WWOX: variants seen among roughly 807,000 people sequenced by gnomAD.
WWOX encodes WW domain containing oxidoreductase.
A neutral mutation model predicts 46.2 loss-of-function variants in WWOX; 69 were observed. The ratio of observed to expected loss-of-function variants is 1.49; its 90% CI spans 1.23 to 1.82. The LOEUF (loss-of-function observed/expected upper bound fraction) is 1.82, where lower values mean the gene tolerates loss of function less well. Among genes scored for constraint, WWOX ranks in the 40% most tolerant of loss-of-function variants. WWOX has a pLI of 0.00. For synonymous variants in WWOX, 359 were observed against 202.6 expected (o/e 1.77, Z -6.56); for missense variants, 919 against 542.6 (o/e 1.69, Z -6.89).
chr16:78,779,651 G>A (rs1418114802), intron 8 of WWOX, among the ~76,000 whole-genome samples: 1 of 152,122 alleles, frequency 6.6e-6, no homozygotes, highest in Non-Finnish European at 1.5e-5. Flanking sequence ...GTAGCAGAGG[G>A]CCCCAGTTCA....
intron 8 of WWOX, among the ~76,000 whole-genome samples, chr16:78,493,241 C>T (rs1350236649): frequency 1.3e-5 from 2 of 152,156 alleles, no homozygotes; most frequent in African/African-American, 4.8e-5. Context: ...CACTCTTTAA[C>T]CATAAGCAGA....
At chr16:78,723,592 CTTT>C (rs962800771) in intron 8 of WWOX, among the ~76,000 whole-genome samples, 1 of 72,382 alleles carries the variant, frequency 1.4e-5, no homozygotes, top group African/African-American at 5.9e-5. Flanking sequence ...CTTTTCTTTT[CTTT>C]TCTTTTCTTT....
chr16:78,764,649 C>T (rs2049885663), intron 8 of WWOX, among the ~76,000 whole-genome samples: 1 of 148,136 alleles, frequency 6.8e-6, no homozygotes, highest in South Asian at 2.4e-4. Flanking sequence ...TCCAACATTA[C>T]CTTTGATAAC....
At chr16:78,436,820 C>T (rs372606480) in intron 8 of WWOX, among the ~76,000 whole-genome samples, 92 of 152,280 alleles carry the variant, frequency 6.0e-4, no homozygotes, top group African/African-American at 1.9e-3. Context: ...GGCTATCCTG[C>T]GTATGTGGCT....
intron 8 of WWOX, among the ~76,000 whole-genome samples, chr16:78,973,295 C>A (rs182590496): frequency 2.6e-5 from 4 of 152,018 alleles, no homozygotes; most frequent in African/African-American, 9.7e-5. Flanking sequence ...GTCATCCTGG[C>A]GTTTGGGTAC....
At chr16:78,986,996 G>T (rs1369128784) in intron 8 of WWOX, among the ~76,000 whole-genome samples, 1 of 151,984 alleles carries the variant, frequency 6.6e-6, no homozygotes, top group Non-Finnish European at 1.5e-5. Context: ...TACCCACACG[G>T]AGCAGAGAGG....
chr16:78,804,836 G>C (rs942898801), intron 8 of WWOX, among the ~76,000 whole-genome samples: 5 of 152,190 alleles, frequency 3.3e-5, no homozygotes, highest in African/African-American at 7.2e-5. Flanking sequence ...TATACCTTAG[G>C]CATTCTGTGA....
chr16:78,391,077 C>A (rs2082165867), intron 6 of WWOX, among the ~76,000 whole-genome samples: 1 of 152,132 alleles, frequency 6.6e-6, no homozygotes, highest in African/African-American at 2.4e-5. Flanking sequence ...ATTCTTAGTA[C>A]AAACACTGGT....
chr16:78,861,187 CT>C (rs369760199), intron 8 of WWOX, among the ~76,000 whole-genome samples: 66 of 152,090 alleles, frequency 4.3e-4, no homozygotes, highest in Middle Eastern at 3.4e-3. Flanking sequence ...TGCTTCTTTC[CT>C]TTTTTCCTTC....
chr16:78,913,034 G>C (rs1235142662), intron 8 of WWOX, among the ~76,000 whole-genome samples: 4 of 152,004 alleles, frequency 2.6e-5, no homozygotes, highest in African/African-American at 7.2e-5. Context: ...AGCACAACAG[G>C]TCTGAGTGTT....
chr16:79,079,958 A>AAGATTCAGATTAAG (rs2048729817), intron 8 of WWOX, among the ~76,000 whole-genome samples: 2 of 103,626 alleles, frequency 1.9e-5, no homozygotes, highest in Non-Finnish European at 4.0e-5. Context: ...GCTGATTAAG[A>AAGATTCAGATTAAG]TTTCAGATTT....
chr16:78,711,399 G>C (rs913122720), intron 8 of WWOX, among the ~76,000 whole-genome samples: 6 of 152,302 alleles, frequency 3.9e-5, no homozygotes, highest in African/African-American at 1.2e-4. Context: ...ATATGCTTTG[G>C]AGGGAACTTG....
chr16:78,679,793 A>G (rs547580024), intron 8 of WWOX, among the ~76,000 whole-genome samples: 1 of 152,326 alleles, frequency 6.6e-6, no homozygotes, highest in Admixed American at 6.5e-5. Flanking sequence ...AGAGAACAGC[A>G]GCACTCTTGC....
chr16:78,394,085 T>G (rs1352158420), intron 6 of WWOX, among the ~76,000 whole-genome samples: 1 of 152,198 alleles, frequency 6.6e-6, no homozygotes, highest in East Asian at 1.9e-4. Flanking sequence ...CCAAATTTTG[T>G]GGGATGAATT....
intron 8 of WWOX, among the ~76,000 whole-genome samples, chr16:79,130,632 A>G (rs1202393837): frequency 6.6e-6 from 1 of 152,204 alleles, no homozygotes; most frequent in Non-Finnish European, 1.5e-5. Flanking sequence ...TCCTATGCTG[A>G]TCACTTAGGA....
chr16:78,428,467 C>G (rs566042434), intron 7 of WWOX, among the ~76,000 whole-genome samples: 1 of 152,168 alleles, frequency 6.6e-6, no homozygotes, highest in Non-Finnish European at 1.5e-5. Context: ...AGGGGTCACC[C>G]TTACAGGGAA....
intron 8 of WWOX, among the ~76,000 whole-genome samples, chr16:78,696,030 G>C (rs1454662133): frequency 6.6e-6 from 1 of 152,158 alleles, no homozygotes; most frequent in Non-Finnish European, 1.5e-5. Context: ...GTGGGAGCCT[G>C]TAGGCTGCAG....
intron 8 of WWOX, among the ~76,000 whole-genome samples, chr16:78,976,032 G>C (rs140621138): frequency 2.0e-5 from 3 of 152,146 alleles, no homozygotes; most frequent in African/African-American, 7.2e-5. Context: ...TCAATGGTGC[G>C]TTTAGCCAGC....
chr16:78,850,984 C>T (rs1597720096), intron 8 of WWOX, among the ~76,000 whole-genome samples: 1 of 152,142 alleles, frequency 6.6e-6, no homozygotes, highest in East Asian at 1.9e-4. Flanking sequence ...GGTCTCTCTG[C>T]ATGTAGTGTT....
Sources: allele counts gnomAD v4.1 joint callset (sites outside exome capture counted in the v4.1 genomes callset), GRCh38; gene constraint gnomAD v4.1.1; transcripts MANE v1.5; gene names NCBI Gene and HGNC (gene_info 2026-07-23, HGNC 2026-07-21).